CLEC4A: variants seen among roughly 807,000 people sequenced by gnomAD.
CLEC4A encodes the protein C-type (calcium dependent, carbohydrate-recognition domain) lectin, superfamily member 6.
A neutral mutation model predicts 32.7 loss-of-function variants in CLEC4A; 27 were observed. The observed-to-expected ratio is 0.83, with a 90% CI of 0.61 to 1.14. The LOEUF (loss-of-function observed/expected upper bound fraction) is 1.14, where lower values mean the gene tolerates loss of function less well. Among genes scored for constraint, CLEC4A ranks in the 50% most tolerant of loss-of-function variants. The probability of loss-of-function intolerance (pLI) is 0.00; values close to 1 mark genes in which losing one functional copy is unlikely to be tolerated. For synonymous variants in CLEC4A, 89 were observed against 93.7 expected (o/e 0.95, Z 0.29); for missense variants, 253 against 274.6 (o/e 0.92, Z 0.55).
chr12:8,127,240 C>T (rs1947916227), intron 2 of CLEC4A, among the ~76,000 whole-genome samples: 1 of 152,200 alleles, frequency 6.6e-6, no homozygotes, highest in South Asian at 2.1e-4. Flanking sequence ...TTTCTCTTAT[C>T]ATTCATCAGG....
At chr12:8,103,376 GTTTTTTTTTTTT>G in the CLEC4A span, among the ~76,000 whole-genome samples, 1 of 56,512 alleles carries the variant, frequency 1.8e-5, no homozygotes. Context: ...TCTTTCTGTT[GTTTTTTTTTTTT>G]TTTTTTTTTT....
At chr12:8,113,572 T>A in the CLEC4A span, among the ~76,000 whole-genome samples, 2 of 152,190 alleles carry the variant, frequency 1.3e-5, no homozygotes, top group African/African-American at 4.8e-5. Flanking sequence ...GCAGCAGCCA[T>A]CTGCAGGTAC....
At chr12:8,116,177 G>C in the CLEC4A span, among the ~76,000 whole-genome samples, 74 of 152,238 alleles carry the variant, frequency 4.9e-4, 1 homozygote, top group South Asian at 0.015. Flanking sequence ...GGACAGGCTG[G>C]TCTTGAACTC....
the CLEC4A span, among the ~76,000 whole-genome samples, chr12:8,107,019 A>G: frequency 1.3e-5 from 2 of 152,096 alleles, no homozygotes; most frequent in Non-Finnish European, 2.9e-5. Context: ...TCTGTCATAG[A>G]TGGTTCTTAT....
the CLEC4A span, among the ~76,000 whole-genome samples, chr12:8,113,857 A>G: frequency 6.6e-6 from 1 of 152,152 alleles, no homozygotes; most frequent in Non-Finnish European, 1.5e-5. Flanking sequence ...GCTGTGTAGA[A>G]TGCACCTTAA....
In CLEC4A at chr12:8,129,340, GA is replaced by G. The variant is rs760557093; in HGVS notation, c.284del (p.Asn95IlefsTer49). On this transcript the variant is annotated frameshift_variant, in exon 3 of 6. Coordinates refer to ENST00000229332, the MANE Select transcript of CLEC4A (RefSeq NM_016184.4). LOFTEE classifies it high-confidence loss of function. ...TGGTTCATACAACATTGGAGTGTGT[GA>G]AAAAAAATATGCCCGTGGAAGGTAA... ...ELVHTTLECV[K>X]KNMPVEETAW... is the part of the protein sequence containing the mutation. The G allele has an allele frequency of 3.6e-5, 57 of 1,603,102 alleles. No individual in the cohort carries two copies. Among genetic ancestry groups the G allele is most frequent in the Admixed American group, 8.5e-5 (5 of 58,632 alleles).
At chr12:8,134,658 G>A (rs758726917) in intron 3 of CLEC4A, 8 of 1,588,896 alleles carry the variant, frequency 5.0e-6, no homozygotes, top group East Asian at 2.3e-5. Flanking sequence ...CTCATACGGC[G>A]GGGGACATGG....
chr12:8,133,883 C>G, intron 3 of CLEC4A: 1 of 1,586,770 alleles, frequency 6.3e-7, no homozygotes, highest in Non-Finnish European at 8.6e-7. Context: ...GCTCCCATAG[C>G]CTGGGGTACC....
At chr12:8,111,923 ATGTGTGTGTGTGTG>A in the CLEC4A span, among the ~76,000 whole-genome samples, 3 of 110,994 alleles carry the variant, frequency 2.7e-5, no homozygotes, top group African/African-American at 9.2e-5. Flanking sequence ...GAGTGTGTAT[ATGTGTGTGTGTGTG>A]TGTGTGTGTG....
At chr12:8,120,562 T>C (rs1042427872), upstream of CLEC4A, among the ~76,000 whole-genome samples, 5 of 152,236 alleles carry the variant, frequency 3.3e-5, no homozygotes, top group Non-Finnish European at 5.9e-5. Flanking sequence ...CTCAGAGTTG[T>C]GGAACTTCCA....
At chr12:8,108,693 A>G in the CLEC4A span, among the ~76,000 whole-genome samples, 1 of 152,228 alleles carries the variant, frequency 6.6e-6, no homozygotes, top group Admixed American at 6.5e-5. Context: ...TCAAAGACCT[A>G]CAATACAGGG....
the CLEC4A span, among the ~76,000 whole-genome samples, chr12:8,118,291 T>G: frequency 6.6e-6 from 1 of 152,136 alleles, no homozygotes; most frequent in Non-Finnish European, 1.5e-5. Flanking sequence ...CAGGTTGAGA[T>G]TCAACATACA....
chr12:8,106,842 G>A, the CLEC4A span, among the ~76,000 whole-genome samples: 20 of 152,098 alleles, frequency 1.3e-4, no homozygotes, highest in African/African-American at 4.8e-4. Flanking sequence ...GATTTCCTCT[G>A]TTACTATTTG....
At chr12:8,135,783 T>C in intron 4 of CLEC4A, 47 bp downstream of exon 4, 2 of 1,588,314 alleles carry the variant, frequency 1.3e-6, no homozygotes, top group Non-Finnish European at 1.7e-6. Context: ...CTGATCTTTG[T>C]ATATCTCTCT....
the CLEC4A span, among the ~76,000 whole-genome samples, chr12:8,111,477 G>A: frequency 1.3e-5 from 2 of 152,134 alleles, no homozygotes; most frequent in Admixed American, 1.3e-4. Flanking sequence ...ACTGCACCTG[G>A]CCTTCTAGAC....
rs1479223605 is a variant in CLEC4A, at chr12:8,134,781, C to A, written c.299-804C>A. On this transcript the variant is annotated intron_variant, in intron 3 of 5. Coordinates refer to ENST00000229332, the MANE Select transcript of CLEC4A (RefSeq NM_016184.4). ...AGGATCAACCCAGCCCGGCTCCGGC[C>A]CCCCTGGCCCATCACCTCCACCGCC... The A allele has an allele frequency of 3.2e-6, 5 of 1,552,660 alleles. No homozygotes were observed. The East Asian group carries it at 7.3e-5, about 23-fold the overall frequency.
the CLEC4A span, among the ~76,000 whole-genome samples, chr12:8,109,004 C>T: frequency 6.6e-6 from 1 of 152,196 alleles, no homozygotes; most frequent in African/African-American, 2.4e-5. Context: ...CACTAGAGGG[C>T]ATGCTCCTCC....
the CLEC4A span, among the ~76,000 whole-genome samples, chr12:8,112,810 A>G: frequency 6.6e-6 from 1 of 152,164 alleles, no homozygotes; most frequent in South Asian, 2.1e-4. Context: ...ATAAGTTTGT[A>G]CTCCAAAATT....
intron 5 of CLEC4A, among the ~76,000 whole-genome samples, chr12:8,137,615 G>C (rs1158526300): frequency 6.6e-6 from 1 of 152,102 alleles, no homozygotes; most frequent in Non-Finnish European, 1.5e-5. Flanking sequence ...CATATCCACT[G>C]TATGAAATAA....
Sources: allele counts gnomAD v4.1 joint callset (sites outside exome capture counted in the v4.1 genomes callset), GRCh38; gene constraint gnomAD v4.1.1; transcripts MANE v1.5; gene names NCBI Gene and HGNC (gene_info 2026-07-23, HGNC 2026-07-21).